The following DSP variants were observed in gnomAD, a reference collection of about 807,000 sequenced individuals.
The protein encoded by DSP is 250/210 kDa paraneoplastic pemphigus antigen.
A neutral mutation model predicts 290.6 loss-of-function variants in DSP; 114 were observed. The ratio of observed to expected loss-of-function variants is 0.39; its 90% CI spans 0.34 to 0.46. DSP has a LOEUF of 0.46. Among genes scored for constraint, DSP ranks in the 20% least tolerant of loss-of-function variants. DSP has a pLI of 0.99. For synonymous variants in DSP, 1,311 were observed against 1,316.4 expected, an observed-to-expected ratio of 1.00 and a Z score of 0.09; for missense variants, 3,230 against 3,495.8, an observed-to-expected ratio of 0.92 and a Z score of 1.92.
chr6:7,541,809 C>G lies in DSP; in HGVS notation c.-107C>G. ...ACCTCGCGAGCCTTCCGCACTCCCG[C>G]CCGGTTCCCCGGCCGTCCGCCTATC... is the stretch of plus-strand genomic sequence containing the variant. On this transcript the variant is annotated 5_prime_UTR_variant, in exon 1 of 24. Coordinates refer to ENST00000379802, the MANE Select transcript of DSP (RefSeq NM_004415.4). 1 of 1,416,468 alleles carries G rather than the reference C, an allele frequency of 7.1e-7. No individual in the cohort carries two copies. The highest frequency in any genetic ancestry group is 9.4e-7 in the Non-Finnish European group (1 of 1,063,584). The allele number at this position is 1,416,468 out of a possible 1,614,324, so 87.7% of individuals were successfully genotyped here. A position where few individuals can be genotyped will look rare whatever the true frequency, so the allele number is the denominator to read the frequency against.
At chr6:7,545,558 G>A (rs566682771) in intron 1 of DSP, among the ~76,000 whole-genome samples, 3 of 152,280 alleles carry the variant, frequency 2.0e-5, no homozygotes, top group African/African-American at 7.2e-5. Context: ...AGTATTTACC[G>A]AGCATTGACT....
intron 1 of DSP, among the ~76,000 whole-genome samples, chr6:7,546,986 G>T (rs538279705): frequency 1.3e-5 from 2 of 152,312 alleles, no homozygotes; most frequent in South Asian, 2.1e-4. Context: ...TTAGGGTGGA[G>T]CAAAGGAGGG....
At chr6:7,552,566 A>G (rs1325639391) in intron 1 of DSP, among the ~76,000 whole-genome samples, 3 of 147,168 alleles carry the variant, frequency 2.0e-5, no homozygotes, top group African/African-American at 7.4e-5. Flanking sequence ...CCATCTCGGA[A>G]AAAAAAAAAA....
chr6:7,569,142 A>T (rs1156238779), intron 11 of DSP, 44 bp from the exon 12 acceptor site: 2 of 1,613,512 alleles, frequency 1.2e-6, no homozygotes, highest in South Asian at 2.2e-5. Context: ...ATAAAAACAC[A>T]TACTTATGAA....
At chr6:7,571,299 G>A in intron 13 of DSP, 84 bp from the exon 14 acceptor site, 1 of 1,355,888 alleles carries the variant, frequency 7.4e-7, no homozygotes, top group Non-Finnish European at 1.1e-6. Context: ...CCCATCTAGT[G>A]GGTGGCATTT....
At chr6:7,569,000 T>C (rs1261571681) in intron 11 of DSP, among the ~76,000 whole-genome samples, 186 bp from the exon 12 acceptor site, 1 of 152,236 alleles carries the variant, frequency 6.6e-6, no homozygotes, top group Admixed American at 6.5e-5. Flanking sequence ...GTATACCTTT[T>C]AGGCTCACAT....
rs1759539327 is a variant in DSP, at chr6:7,583,807, G to T, written c.6545G>T (p.Ser2182Ile). Residue 2182 changes from serine (S) to isoleucine (I), a missense_variant, in exon 24 of 24, where the codon AGT (serine) becomes ATT (isoleucine). Coordinates refer to ENST00000379802, the MANE Select transcript of DSP (RefSeq NM_004415.4). This position sits in a 1 kb window ranked among gnomAD's most constrained non-coding sequence, Gnocchi z 4.0. ...GATCCAGTCACCAAAAAGAAGGTCA[G>T]TTACGTGCAGCTGAAGGAACGGTGC... ...FVDPVTKKKV[S>I]YVQLKERCRI... The T allele has an allele frequency of 1.2e-6, 2 of 1,614,064 alleles. No individual in the cohort carries two copies. The highest frequency in any genetic ancestry group is 2.7e-5 in the African/African-American group (2 of 74,924).
In DSP at chr6:7,585,117, A is replaced by G. The variant is rs767630308; in HGVS notation, c.7855A>G (p.Ile2619Val). 12 of 1,614,046 alleles carry G rather than the reference A, an allele frequency of 7.4e-6. No individual in the cohort carries two copies. Among genetic ancestry groups the G allele is most frequent in the Admixed American group, 1.7e-5 (1 of 59,998 alleles). Residue 2619 changes from isoleucine (I) to valine (V), a missense_variant, in exon 24 of 24, where the codon ATT (isoleucine) becomes GTT (valine). Physicochemically the swap from Ile to Val is conservative, Grantham distance 29. Around this residue, in one of 5 missense-constraint regions of DSP, gnomAD observed 582 missense variants for 555.4 expected, o/e 1.05. Transcript: ENST00000379802. ...FSDTLEESSP[I>V]AAIFDTENLE... Reference sequence around the variant, plus strand: ...AGACACCCTGGAAGAATCGAGCCCCATTGCAGCCATCTTTGACACAGAAAA... The same window carrying G: ...AGACACCCTGGAAGAATCGAGCCCCGTTGCAGCCATCTTTGACACAGAAAA...
In DSP at chr6:7,567,658, A is replaced by T. The variant is rs1052396917; in HGVS notation, c.1141-123A>T. ...CACATACCTAAATACTTTCTGCACG[A>T]ATTTTTTCCTTTAGCCACCTGTCAA... On this transcript the variant is annotated intron_variant, in intron 9 of 23. Transcript: ENST00000379802. 4.0e-6 allele frequency: 6 copies of T among 1,488,256 alleles called. No homozygotes were observed. The African/African-American group carries it at 8.3e-5, about 21-fold the overall frequency. The allele number at this position is 1,488,256 out of a possible 1,614,324, so 92.2% of individuals were successfully genotyped here.
chr6:7,558,723 A>G (rs1415067070), intron 3 of DSP, among the ~76,000 whole-genome samples: 1 of 152,112 alleles, frequency 6.6e-6, no homozygotes, highest in East Asian at 1.9e-4. Flanking sequence ...CATGTTGCTT[A>G]GGCTGATCTC....
intron 4 of DSP, among the ~76,000 whole-genome samples, chr6:7,561,401 C>G (rs779116822): frequency 3.3e-5 from 5 of 152,308 alleles, no homozygotes; most frequent in African/African-American, 9.6e-5. Flanking sequence ...TTCCTCTTAT[C>G]GCTTGTTCCC....
rs951245934 is a variant in DSP, at chr6:7,586,257, T to C, written c.*379T>C. On this transcript the variant is annotated 3_prime_UTR_variant, in exon 24 of 24. Coordinates refer to ENST00000379802, the MANE Select transcript of DSP (RefSeq NM_004415.4). ...ATTAAATGGATCACTGATATTTTAG[T>C]CATTCTGCTTCTCATCTAAATATTT... 9 of 189,426 alleles carry C rather than the reference T, an allele frequency of 4.8e-5. No homozygotes were observed. The highest frequency in any genetic ancestry group is 8.8e-5 in the Non-Finnish European group (8 of 90,956). 11.7% of individuals were successfully genotyped at this position (189,426 alleles called of 1,614,324 possible). A position where few individuals can be genotyped will look rare whatever the true frequency, so the allele number is the denominator to read the frequency against.
At chr6:7,556,810 T>C (rs1274127020) in intron 2 of DSP, among the ~76,000 whole-genome samples, 1 of 152,242 alleles carries the variant, frequency 6.6e-6, no homozygotes, top group Non-Finnish European at 1.5e-5. Flanking sequence ...TCTAGTTGTT[T>C]CGAGTGTCTG....
At chr6:7,551,329 A>T (rs1282054781) in intron 1 of DSP, among the ~76,000 whole-genome samples, 1 of 152,184 alleles carries the variant, frequency 6.6e-6, no homozygotes, top group East Asian at 1.9e-4. Flanking sequence ...AGCTTTTAAA[A>T]AAATGCATGT....
rs773467311 is a variant in DSP, at chr6:7,579,248, G to C, written c.3085-27G>C. On this transcript the variant is annotated intron_variant, in intron 22 of 23. Transcript: ENST00000379802. This position sits in a 1 kb window ranked among gnomAD's most constrained non-coding sequence, Gnocchi z 4.1. ...TTGGAATGTGAGGTGTTTTTCTTTTGACATAATCTCTGATTTCATTCCACA... is the reference window on the plus strand; with the variant it reads ...TTGGAATGTGAGGTGTTTTTCTTTTCACATAATCTCTGATTTCATTCCACA... 1 of 1,612,862 alleles carries C rather than the reference G, an allele frequency of 6.2e-7. No individual in the cohort carries two copies. The highest frequency in any genetic ancestry group is 8.5e-7 in the Non-Finnish European group (1 of 1,179,452).
Position 7,554,658 on chromosome 6 carries a change from T to A in DSP, c.171-1060T>A, listed in dbSNP as rs553321203. 8.5e-5 allele frequency among the ~76,000 whole-genome samples: 13 copies of A among 152,190 alleles called. No individual in the cohort carries two copies. In the South Asian group the frequency reaches 1.2e-3, roughly 15 times the overall value. ...AATTACAGAAAATATATATATATAT[T>A]TTTACAGACAGGGTCTCACTCTGTC... On this transcript the variant is annotated intron_variant, in intron 1 of 23. Coordinates refer to ENST00000379802, the MANE Select transcript of DSP (RefSeq NM_004415.4).
Position 7,585,389 on chromosome 6 carries a change from A to C in DSP, c.8127A>C (p.Ala2709=). The part of the protein sequence containing the change: ...EGVKGKKKMS[A]AEAVKEKWLP... ...TGAAGGGAAAGAAGAAGATGTCAGC[A>C]GCAGAGGCAGTGAAAGAAAAATGGC... The change falls in exon 24 of 24, where the codon GCA becomes GCC. Residue 2709 remains alanine (A), a synonymous_variant. Transcript: ENST00000379802. 6.2e-7 allele frequency: 1 copy of C among 1,614,172 alleles called. No individual in the cohort carries two copies. Among genetic ancestry groups the C allele is most frequent in the Non-Finnish European group, 8.5e-7 (1 of 1,180,008 alleles).
intron 18 of DSP, among the ~76,000 whole-genome samples, 194 bp downstream of exon 18, chr6:7,575,682 C>G (rs1234767285): frequency 1.3e-5 from 2 of 152,204 alleles, no homozygotes; most frequent in Non-Finnish European, 2.9e-5. Flanking sequence ...ATCACGATAG[C>G]CAACCCTGTG....
chr6:7,541,839 GC>G lies in DSP; in HGVS notation c.-72del. 3 of 1,508,516 alleles carry G rather than the reference GC, an allele frequency of 2.0e-6. No homozygotes were observed. Among genetic ancestry groups the G allele is most frequent in the Non-Finnish European group, 2.7e-6 (3 of 1,125,662 alleles). The allele number at this position is 1,508,516 out of a possible 1,614,324, so 93.4% of individuals were successfully genotyped here. A position where few individuals can be genotyped will look rare whatever the true frequency, so the allele number is the denominator to read the frequency against. ...TTCCCCGGCCGTCCGCCTATCCTTG[GC>G]CCCCTCCGCTTTCTCCGCGCCGGCC... On this transcript the variant is annotated 5_prime_UTR_variant, in exon 1 of 24. Coordinates refer to ENST00000379802, the MANE Select transcript of DSP (RefSeq NM_004415.4).
Sources: allele counts gnomAD v4.1 joint callset (sites outside exome capture counted in the v4.1 genomes callset), GRCh38; gene constraint gnomAD v4.1.1; regional missense constraint gnomAD v4.1.1; non-coding constraint Gnocchi (gnomAD v3.1); transcripts MANE v1.5; gene names NCBI Gene and HGNC (gene_info 2026-07-23, HGNC 2026-07-21).